CSMD1: variants seen among roughly 807,000 people sequenced by gnomAD.
CSMD1 encodes the protein CUB and sushi domain-containing protein 1.
A neutral mutation model predicts 417.5 loss-of-function variants in CSMD1; 213 were observed. That is an observed-to-expected ratio of 0.51 (90% CI 0.46 to 0.57). CSMD1 has a LOEUF of 0.57. Among genes scored for constraint, CSMD1 ranks in the 20% least tolerant of loss-of-function variants. CSMD1 has a pLI of 0.00. For synonymous variants in CSMD1, 2,862 were observed against 1,736.8 expected (o/e 1.65, Z -16.11); for missense variants, 6,923 against 4,529.7 (o/e 1.53, Z -15.17).
chr8:3,523,838 G>T (rs1244809263), intron 10 of CSMD1, among the ~76,000 whole-genome samples: 1 of 102,046 alleles, frequency 9.8e-6, no homozygotes, highest in African/African-American at 3.7e-5. Flanking sequence ...TGCACACCCA[G>T]AGACACATGT....
chr8:4,907,723 AATT>A (rs1805393011), intron 1 of CSMD1, among the ~76,000 whole-genome samples: 1 of 82,250 alleles, frequency 1.2e-5, no homozygotes. Context: ...TATCCCCGGC[AATT>A]TTTTTTTTTT....
intron 10 of CSMD1, among the ~76,000 whole-genome samples, chr8:3,570,557 T>C (rs1417276129): frequency 2.8e-5 from 1 of 36,278 alleles, no homozygotes; most frequent in East Asian, 2.9e-4. Flanking sequence ...GTCTCCGCTC[T>C]AGAGAGGGGG....
chr8:4,079,723 C>T (rs1053873852), intron 3 of CSMD1, among the ~76,000 whole-genome samples: 1 of 152,112 alleles, frequency 6.6e-6, no homozygotes, highest in Non-Finnish European at 1.5e-5. Flanking sequence ...GTATGAATAG[C>T]CCAATGGATA....
chr8:3,572,318 G>C (rs1206348823), intron 10 of CSMD1, among the ~76,000 whole-genome samples: 1 of 152,182 alleles, frequency 6.6e-6, no homozygotes, highest in African/African-American at 2.4e-5. Context: ...TCAGGGAGCA[G>C]TTGAGGGAGG....
rs1251066213 is a variant in CSMD1, at chr8:4,031,984, C to T, written c.531G>A (p.Leu177=). ...TGCAGGTCAGGATGGCGTGGCCTTCCAAGATGTAGCCAGGGAGGCAGCTGT... is the reference window on the plus strand; with the variant it reads ...TGCAGGTCAGGATGGCGTGGCCTTCTAAGATGTAGCCAGGGAGGCAGCTGT... ...IRYSCLPGYI[L]EGHAILTCIV... is the part of the protein sequence containing the mutation. Residue 177 remains leucine, a synonymous_variant, in exon 4 of 70, where the codon TTG becomes TTA. Transcript: ENST00000635120. 1.2e-6 allele frequency: 2 copies of T among 1,613,764 alleles called. No homozygotes were observed. The highest frequency in any genetic ancestry group is 4.5e-5 in the East Asian group (2 of 44,872).
intron 52 of CSMD1, among the ~76,000 whole-genome samples, chr8:3,002,282 T>C (rs1054043418): frequency 1.3e-5 from 2 of 152,178 alleles, no homozygotes; most frequent in African/African-American, 4.8e-5. Context: ...TCTCTGAAGG[T>C]TCCCCTTTCC....
intron 1 of CSMD1, among the ~76,000 whole-genome samples, chr8:4,979,322 T>C (rs375986050): frequency 5.3e-5 from 8 of 152,292 alleles, no homozygotes; most frequent in African/African-American, 1.9e-4. Context: ...GTAATCCTTA[T>C]GATATTGAGC....
At chr8:4,050,773 A>G (rs938908147) in intron 3 of CSMD1, among the ~76,000 whole-genome samples, 2 of 152,304 alleles carry the variant, frequency 1.3e-5, no homozygotes, top group African/African-American at 4.8e-5. Flanking sequence ...GACCAAGTGT[A>G]TAAAATTCAG....
chr8:4,075,038 A>G (rs1799750217), intron 3 of CSMD1, among the ~76,000 whole-genome samples: 1 of 152,332 alleles, frequency 6.6e-6, no homozygotes, highest in African/African-American at 2.4e-5. Flanking sequence ...TAACCCCAGT[A>G]TGAATGATGA....
intron 24 of CSMD1, 90 bp downstream of exon 24, chr8:3,308,222 C>G: frequency 9.9e-7 from 1 of 1,005,280 alleles, no homozygotes; most frequent in Non-Finnish European, 1.5e-6. Context: ...AAAATTCCTC[C>G]TCTTTTCCAA....
At chr8:4,029,001 T>C (rs1224405843) in intron 4 of CSMD1, among the ~76,000 whole-genome samples, 2 of 152,196 alleles carry the variant, frequency 1.3e-5, no homozygotes, top group Non-Finnish European at 2.9e-5. Flanking sequence ...TGCTCTGAAA[T>C]ATGACAACGG....
chr8:4,471,267 G>T (rs1800513914), intron 2 of CSMD1, among the ~76,000 whole-genome samples: 1 of 152,050 alleles, frequency 6.6e-6, no homozygotes, highest in African/African-American at 2.4e-5. Context: ...AAAAAAATCA[G>T]GAACAATAAA....
At chr8:3,686,741 A>G (rs533849523) in intron 7 of CSMD1, among the ~76,000 whole-genome samples, 1 of 152,326 alleles carries the variant, frequency 6.6e-6, no homozygotes, top group East Asian at 1.9e-4. Flanking sequence ...TTCACAAGCA[A>G]ATATTCTTTG....
chr8:3,540,188 A>G (rs1277230930), intron 10 of CSMD1, among the ~76,000 whole-genome samples: 1 of 152,208 alleles, frequency 6.6e-6, no homozygotes, highest in Non-Finnish European at 1.5e-5. Flanking sequence ...TCTTGAAAAA[A>G]AACCTTATTC....
At chr8:3,558,363 T>C (rs1468840337) in intron 10 of CSMD1, among the ~76,000 whole-genome samples, 8 of 123,598 alleles carry the variant, frequency 6.5e-5, no homozygotes, top group Non-Finnish European at 9.5e-5. Flanking sequence ...CCTCCAATGA[T>C]GAATGGTGCC....
rs188527293 is a variant in CSMD1, at chr8:4,751,509, G to C, written c.86-113951C>G. 1.1e-3 allele frequency among the ~76,000 whole-genome samples: 161 copies of C among 152,290 alleles called. 1 individual carries two copies. The highest frequency in any genetic ancestry group is 3.8e-3 in the African/African-American group (157 of 41,558). ...CTGGATTTTGTGGAATCATGAGCTA[G>C]ATAACTTTCTAAAGTTATTTTATCC... On this transcript the variant is annotated intron_variant, in intron 1 of 69. Transcript: ENST00000635120.
At chr8:4,972,338 A>AG (rs1436656552) in intron 1 of CSMD1, among the ~76,000 whole-genome samples, 1 of 152,144 alleles carries the variant, frequency 6.6e-6, no homozygotes, top group Non-Finnish European at 1.5e-5. Context: ...CCAAGTGTCA[A>AG]GGGGGAGACC....
At chr8:4,357,230 C>T (rs1437054135) in intron 3 of CSMD1, among the ~76,000 whole-genome samples, 1 of 152,142 alleles carries the variant, frequency 6.6e-6, no homozygotes, top group Admixed American at 6.5e-5. Flanking sequence ...GAAAGAGCCT[C>T]TTACGTGCTA....
chr8:4,592,630 G>T (rs1018828626), intron 2 of CSMD1, among the ~76,000 whole-genome samples: 1 of 152,046 alleles, frequency 6.6e-6, no homozygotes, highest in African/African-American at 2.4e-5. Flanking sequence ...CAAGTGATCC[G>T]CCTGTCTTGG....
Sources: allele counts gnomAD v4.1 joint callset (sites outside exome capture counted in the v4.1 genomes callset), GRCh38; gene constraint gnomAD v4.1.1; transcripts MANE v1.5; gene names NCBI Gene and HGNC (gene_info 2026-07-23, HGNC 2026-07-21).